The following UHRF1 variants were observed in gnomAD, a reference collection of about 807,000 sequenced individuals.
The protein encoded by UHRF1 is ubiquitin like with PHD and ring finger domains 1.
A neutral mutation model predicts 96.5 loss-of-function variants in UHRF1; 9 were observed. The observed-to-expected ratio is 0.09, with a 90% CI of 0.06 to 0.16. UHRF1 has a LOEUF of 0.16. Among genes scored for constraint, UHRF1 ranks in the 10% least tolerant of loss-of-function variants. The probability of loss-of-function intolerance (pLI) is 1.00; values close to 1 mark genes in which losing one functional copy is unlikely to be tolerated. For synonymous variants in UHRF1, 455 were observed against 469.9 expected, an observed-to-expected ratio of 0.97 and a Z score of 0.41; for missense variants, 626 against 1,131.1, an observed-to-expected ratio of 0.55 and a Z score of 6.40.
chr19:4,944,042 A>G, intron 7 of UHRF1, 90 bp from the exon 8 acceptor site: 1 of 1,557,498 alleles, frequency 6.4e-7, no homozygotes. Flanking sequence ...AGGCGGGGAG[A>G]GCCATGTCCG....
At chr19:4,937,642 G>T (rs929109919) in intron 5 of UHRF1, among the ~76,000 whole-genome samples, 6 of 152,142 alleles carry the variant, frequency 3.9e-5, no homozygotes, top group African/African-American at 1.2e-4. Context: ...AGGATTATAG[G>T]CGTGAGCCAC....
chr19:4,917,393 C>T (rs1284552078), intron 2 of UHRF1, among the ~76,000 whole-genome samples: 2 of 151,626 alleles, frequency 1.3e-5, no homozygotes, highest in African/African-American at 4.8e-5. Context: ...TGGTGGCTTA[C>T]GCCTGTAATC....
chr19:4,934,891 C>T (rs552908428), intron 5 of UHRF1, among the ~76,000 whole-genome samples: 1 of 152,166 alleles, frequency 6.6e-6, no homozygotes, highest in Non-Finnish European at 1.5e-5. Context: ...GGTCTTTATT[C>T]TCTGCTAGGC....
intron 2 of UHRF1, among the ~76,000 whole-genome samples, chr19:4,928,170 T>G (rs2032932626): frequency 6.6e-6 from 1 of 151,888 alleles, no homozygotes. Context: ...GGGGTGCTCC[T>G]GGCATGGAGT....
At position 4,930,873 on chromosome 19, in the gene UHRF1, A is replaced by G. The variant is rs770525636; in HGVS notation, c.566A>G (p.Asp189Gly). ...GACGTCATTTACCACGTGAAATACG[A>G]CGAGTGAGTCATGGCAGGTGGGCGG... ...EEDVIYHVKY[D>G]DYPENGVVQM... is the part of the protein sequence containing the mutation. The change falls in exon 4 of 17, where the codon GAC becomes GGC. Residue 189 changes from aspartate to glycine, a missense_variant. Physicochemically the swap from Asp to Gly is moderately conservative, Grantham distance 94 (BLOSUM62 -1). Coordinates refer to ENST00000650932, the MANE Select transcript of UHRF1 (RefSeq NM_001048201.3). The surrounding 1 kb of genome is among the most constrained non-coding windows in gnomAD (Gnocchi z 4.4). 4 of 1,613,688 alleles carry G rather than the reference A, an allele frequency of 2.5e-6. No homozygotes were observed. The highest frequency in any genetic ancestry group is 1.7e-6 in the Non-Finnish European group (2 of 1,179,842).
chr19:4,946,959 G>A (rs886318319), intron 10 of UHRF1, 146 bp from the exon 11 acceptor site: 1 of 634,002 alleles, frequency 1.6e-6, no homozygotes, highest in Admixed American at 2.9e-5. Context: ...GTTTACAAAG[G>A]GCTCCAATTT....
rs1163410869 is a variant in UHRF1 at position 4,944,385 on chromosome 19, C to T, written c.1240C>T (p.Pro414Ser). ...CCGCACCAAGGAATGTACCATCGTCCCGTCCAACCACTACGGACCCATCCC... is the reference window on the plus strand; with the variant it reads ...CCGCACCAAGGAATGTACCATCGTCTCGTCCAACCACTACGGACCCATCCC... ...VGRTKECTIV[P>S]SNHYGPIPGI... is the part of the protein sequence containing the mutation. Residue 414 changes from proline (P) to serine (S), a missense_variant, in exon 9 of 17, where the codon CCG (proline) becomes TCG (serine). Coordinates refer to ENST00000650932, the MANE Select transcript of UHRF1 (RefSeq NM_001048201.3). 1 of 1,614,054 alleles carries T rather than the reference C, an allele frequency of 6.2e-7. No homozygotes were observed. The highest frequency in any genetic ancestry group is 2.2e-5 in the East Asian group (1 of 44,882).
chr19:4,923,197 C>T (rs1173900743), intron 2 of UHRF1, among the ~76,000 whole-genome samples: 1 of 152,220 alleles, frequency 6.6e-6, no homozygotes, highest in African/African-American at 2.4e-5. Context: ...TTCCCCTCCT[C>T]GGTCTGTCTC....
intron 9 of UHRF1, 54 bp from the exon 10 acceptor site, chr19:4,945,807 T>C (rs1360809396): frequency 8.2e-6 from 12 of 1,469,262 alleles, no homozygotes; most frequent in Non-Finnish European, 1.1e-5. Context: ...CGGTGGAGCT[T>C]CTCTGCAGCA....
At chr19:4,917,155 C>CTT (rs2032547141) in intron 2 of UHRF1, among the ~76,000 whole-genome samples, 1 of 120,162 alleles carries the variant, frequency 8.3e-6, no homozygotes, top group Non-Finnish European at 1.7e-5. Flanking sequence ...TGGGATCTCG[C>CTT]TTTTTTCACC....
chr19:4,953,008 GTT>G (rs958941750), intron 13 of UHRF1, among the ~76,000 whole-genome samples: 2 of 152,132 alleles, frequency 1.3e-5, no homozygotes, highest in Admixed American at 1.3e-4. Flanking sequence ...GGAAGCAAAA[GTT>G]TGCCTGCCCT....
chr19:4,932,650 C>T (rs532045078), intron 4 of UHRF1, 91 bp from the exon 5 acceptor site: 21 of 1,403,872 alleles, frequency 1.5e-5, no homozygotes, highest in African/African-American at 4.2e-5. Flanking sequence ...TGCACACTGT[C>T]GGGAGGGGCC....
rs746067657 is a variant in UHRF1 at position 4,944,258 on chromosome 19, G to A, written c.1197+3G>A. The A allele has an allele frequency of 2.5e-6, 4 of 1,614,034 alleles. No individual in the cohort carries two copies. The highest frequency in any genetic ancestry group is 3.4e-6 in the Non-Finnish European group (4 of 1,179,888). On this transcript the variant is annotated splice_donor_region_variant and intron_variant, in intron 8 of 16. Transcript: ENST00000650932. ...CCTCACAGCGGGACTGGGGCAAGGT[G>A]AGGCGGGTCCTTCCCACGTGCCCGT...
intron 16 of UHRF1, among the ~76,000 whole-genome samples, chr19:4,957,065 G>C (rs2033875637): frequency 6.6e-6 from 1 of 152,152 alleles, no homozygotes; most frequent in South Asian, 2.1e-4. Flanking sequence ...CTTGGCCTAA[G>C]GTCTGGAGAG....
In UHRF1 at chr19:4,930,534, G is replaced by A. The variant is rs978072207; in HGVS notation, c.409-182G>A. On this transcript the variant is annotated intron_variant, in intron 3 of 16. Transcript: ENST00000650932. This position sits in a 1 kb window ranked among gnomAD's most constrained non-coding sequence, Gnocchi z 4.4. ...CCATGCCCCCTGGCCCCGCATCCCC[G>A]TCACCCCTGCCGGGGCTGGTTTCTC... Among the ~76,000 whole-genome samples, 2 of 152,224 alleles carry A rather than the reference G, an allele frequency of 1.3e-5. No individual in the cohort carries two copies. Among genetic ancestry groups the A allele is most frequent in the African/African-American group, 4.8e-5 (2 of 41,460 alleles).
chr19:4,933,082 T>C (rs960313085), intron 5 of UHRF1, 126 bp downstream of exon 5: 3 of 1,039,774 alleles, frequency 2.9e-6, no homozygotes, highest in Non-Finnish European at 4.1e-6. Flanking sequence ...CGGCCTGGCC[T>C]TCCTGCCTCC....
rs925316270 is a variant in UHRF1, at chr19:4,954,925, C to T, written c.2130+103C>T. On this transcript the variant is annotated intron_variant, in intron 15 of 16. Coordinates refer to ENST00000650932, the MANE Select transcript of UHRF1 (RefSeq NM_001048201.3). The surrounding 1 kb of genome is among the most constrained non-coding windows in gnomAD (Gnocchi z 5.9). ...CCCATTTTCAAGTGTACAGCTCAGT[C>T]GCACTGAGTACATTCTTGTGGTTGT... The T allele has an allele frequency of 5.7e-5, 80 of 1,395,138 alleles. No individual in the cohort carries two copies. Among genetic ancestry groups the T allele is most frequent in the South Asian group, 4.2e-4 (32 of 76,688 alleles). 86.4% of individuals were successfully genotyped at this position (1,395,138 alleles called of 1,614,324 possible).
chr19:4,938,730 G>GGTTTTTT (rs1568421924), intron 5 of UHRF1, among the ~76,000 whole-genome samples: 22 of 61,566 alleles, frequency 3.6e-4, no homozygotes, highest in South Asian at 6.8e-4. Flanking sequence ...TTTTGGTCAG[G>GGTTTTTT]TTTTTTTTTT....
rs545337170 is a variant in UHRF1 at position 4,926,515 on chromosome 19, A to G, written c.154-2707A>G. Among the ~76,000 whole-genome samples, 38 of 152,264 alleles carry G rather than the reference A, an allele frequency of 2.5e-4. No homozygotes were observed. In the South Asian group the frequency reaches 4.6e-3, roughly 18 times the overall value. ...CTTGTAGCTGTAGGTGGGTGTGTACATATTCAAACGGGTTTTTCTGATGCT... is the reference window on the plus strand; with the variant it reads ...CTTGTAGCTGTAGGTGGGTGTGTACGTATTCAAACGGGTTTTTCTGATGCT... On this transcript the variant is annotated intron_variant, in intron 2 of 16. Transcript: ENST00000650932.
Sources: gnomAD v4.1 joint callset for allele counts (sites outside exome capture counted in the v4.1 genomes callset) on GRCh38, gnomAD v4.1.1 for gene constraint, Gnocchi (gnomAD v3.1) non-coding constraint, MANE v1.5 for transcripts, NCBI Gene and HGNC (gene_info 2026-07-23, HGNC 2026-07-21) for gene names.